The following MROH9 variants were observed in gnomAD, a reference collection of about 807,000 sequenced individuals.
MROH9 encodes maestro heat like repeat family member 9, also known as maestro heat-like repeat-containing protein family member 9.
Under a neutral mutation model 98.2 loss-of-function variants are expected in MROH9, and 92 were observed. The observed-to-expected ratio is 0.94, with a 90% CI of 0.79 to 1.11. The LOEUF is 1.11. MROH9 is among the 50% of genes most tolerant of loss of function. The pLI is 0.00. For synonymous variants in MROH9, 397 were observed against 368.9 expected, an observed-to-expected ratio of 1.08 and a Z score of -0.87; for missense variants, 1,057 against 1,014.8, an observed-to-expected ratio of 1.04 and a Z score of -0.57.
intron 20 of MROH9, among the ~76,000 whole-genome samples, chr1:171,044,207 A>G (rs1233601531): frequency 1.3e-5 from 2 of 152,200 alleles, no homozygotes; most frequent in Non-Finnish European, 2.9e-5. Flanking sequence ...CTTCTTCAGC[A>G]TCAATTGAAA....
intron 20 of MROH9, among the ~76,000 whole-genome samples, chr1:171,055,979 AT>A (rs1653827228): frequency 6.6e-6 from 1 of 152,060 alleles, no homozygotes; most frequent in Non-Finnish European, 1.5e-5. Context: ...GGGAACGGTG[AT>A]TTTTCCACAG....
In MROH9 at chr1:170,994,148, CAAGA is replaced by C. The variant is rs1651467580; in HGVS notation, c.1195-1236_1195-1233del. ...TGCATTTTTGTATATTTGCCTTTTT[CAAGA>C]AAGATAAAATGTATTGAGATCTCGG... On this transcript the variant is annotated intron_variant, in intron 12 of 21. Coordinates refer to ENST00000367759, the MANE Select transcript of MROH9 (RefSeq NM_001163629.2). Among the ~76,000 whole-genome samples, 3 of 152,228 alleles carry C rather than the reference CAAGA, an allele frequency of 2.0e-5. No individual in the cohort carries two copies. In the South Asian group the frequency reaches 6.2e-4, roughly 32 times the overall value.
chr1:170,994,158 A>C (rs1651468017), intron 12 of MROH9, among the ~76,000 whole-genome samples: 1 of 152,206 alleles, frequency 6.6e-6, no homozygotes, highest in Non-Finnish European at 1.5e-5. Flanking sequence ...CAAGAAAGAT[A>C]AAATGTATTG....
intron 1 of MROH9, among the ~76,000 whole-genome samples, chr1:170,936,687 C>A (rs943152931): frequency 1.3e-5 from 2 of 152,072 alleles, no homozygotes; most frequent in East Asian, 3.9e-4. Context: ...CAAATAAAGT[C>A]AATAAGAAGC....
intron 20 of MROH9, among the ~76,000 whole-genome samples, chr1:171,042,686 G>A (rs993479678): frequency 2.6e-5 from 4 of 151,972 alleles, no homozygotes; most frequent in African/African-American, 7.2e-5. Context: ...CATCTTATCC[G>A]GGGTGACAGG....
At chr1:170,935,989 A>C (rs1571427601) in intron 1 of MROH9, among the ~76,000 whole-genome samples, 2 of 97,038 alleles carry the variant, frequency 2.1e-5, no homozygotes, top group Non-Finnish European at 4.5e-5. Flanking sequence ...AGACAAAAAA[A>C]AAAAAAAAAA....
intron 12 of MROH9, among the ~76,000 whole-genome samples, chr1:170,992,662 T>C (rs1420294283): frequency 6.6e-6 from 1 of 152,218 alleles, no homozygotes; most frequent in Non-Finnish European, 1.5e-5. Context: ...AGCTGGCATC[T>C]AATCAGAGAC....
intron 2 of MROH9, 124 bp downstream of exon 2, chr1:170,945,705 C>T (rs377397544): frequency 1.3e-6 from 1 of 796,542 alleles, no homozygotes. Context: ...AAGAATGTAC[C>T]TTTTTTCCCT....
At chr1:170,942,792 T>A (rs1649174854) in intron 1 of MROH9, among the ~76,000 whole-genome samples, 1 of 152,140 alleles carries the variant, frequency 6.6e-6, no homozygotes, top group African/African-American at 2.4e-5. Context: ...CTAAGGAAAC[T>A]TTCTTTGGTT....
chr1:171,009,945 T>A (rs1271990284), intron 15 of MROH9, among the ~76,000 whole-genome samples: 2 of 152,190 alleles, frequency 1.3e-5, no homozygotes, highest in African/African-American at 2.4e-5. Context: ...AACATTATTT[T>A]TTTTCCTTTT....
chr1:171,006,543 G>C (rs1008488028), intron 15 of MROH9, among the ~76,000 whole-genome samples: 1 of 152,052 alleles, frequency 6.6e-6, no homozygotes, highest in East Asian at 1.9e-4. Flanking sequence ...CTATAGGAGA[G>C]AGAACATTTA....
At chr1:171,009,894 C>A (rs1377014339) in intron 15 of MROH9, among the ~76,000 whole-genome samples, 2 of 152,176 alleles carry the variant, frequency 1.3e-5, no homozygotes, top group African/African-American at 4.8e-5. Flanking sequence ...CTTCTACTAG[C>A]CAACTTTGAG....
intron 20 of MROH9, among the ~76,000 whole-genome samples, chr1:171,041,185 C>A (rs1216642683): frequency 6.6e-6 from 1 of 151,676 alleles, no homozygotes; most frequent in Non-Finnish European, 1.5e-5. Flanking sequence ...CTCTGTATGT[C>A]CATGTGTACC....
intron 1 of MROH9, among the ~76,000 whole-genome samples, chr1:170,937,515 A>ATTT (rs71125282): frequency 1.5e-3 from 170 of 113,546 alleles, no homozygotes; most frequent in African/African-American, 2.0e-3. Flanking sequence ...CATAATCAGT[A>ATTT]TTTTTTTTTT....
At chr1:170,958,290 T>C (rs1194946267) in intron 3 of MROH9, among the ~76,000 whole-genome samples, 171 bp from the exon 4 acceptor site, 1 of 152,224 alleles carries the variant, frequency 6.6e-6, no homozygotes, top group Non-Finnish European at 1.5e-5. Context: ...CTATTGTAGA[T>C]TTAAATTACA....
intron 20 of MROH9, among the ~76,000 whole-genome samples, chr1:171,039,283 T>C (rs1232891629): frequency 6.6e-6 from 1 of 152,232 alleles, no homozygotes. Flanking sequence ...ATTTATGAAA[T>C]AAGTATCTGC....
intron 7 of MROH9, among the ~76,000 whole-genome samples, chr1:170,969,796 T>G (rs1444223760): frequency 6.6e-6 from 1 of 152,212 alleles, no homozygotes; most frequent in African/African-American, 2.4e-5. Context: ...CTCCAGTTTT[T>G]AAATATCTGC....
chr1:171,035,219 AATT>A (rs1653057350), intron 20 of MROH9, among the ~76,000 whole-genome samples: 1 of 151,976 alleles, frequency 6.6e-6, no homozygotes, highest in Admixed American at 6.5e-5. Flanking sequence ...TTGATATATT[AATT>A]ATAATAACTT....
At chr1:171,005,597 T>C (rs546877125) in intron 15 of MROH9, among the ~76,000 whole-genome samples, 2 of 152,226 alleles carry the variant, frequency 1.3e-5, no homozygotes. Context: ...TGCATAGAAA[T>C]GCAACTGACT....
Sources: allele counts gnomAD v4.1 joint callset (sites outside exome capture counted in the v4.1 genomes callset), GRCh38; gene constraint gnomAD v4.1.1; transcripts MANE v1.5; gene names NCBI Gene and HGNC (gene_info 2026-07-23, HGNC 2026-07-21).